The following MTPN variants were observed in gnomAD, a reference collection of about 807,000 sequenced individuals.
MTPN encodes the protein granule cell differentiation protein.
In MTPN, 2 loss-of-function variants were observed where a neutral mutation model predicts 13.5. The ratio of observed to expected loss-of-function variants is 0.15; its 90% CI spans 0.06 to 0.47. MTPN has a LOEUF of 0.47. Among genes scored for constraint, MTPN ranks in the 20% least tolerant of loss-of-function variants. The pLI is 0.97. For missense variants in MTPN, 79 were observed against 137.9 expected, an observed-to-expected ratio of 0.57 and a Z score of 2.14; for synonymous variants, 46 against 51.7, an observed-to-expected ratio of 0.89 and a Z score of 0.48.
intron 1 of MTPN, among the ~76,000 whole-genome samples, chr7:135,961,848 T>C (rs1208174351): frequency 1.3e-5 from 2 of 151,990 alleles, no homozygotes; most frequent in African/African-American, 4.8e-5. Flanking sequence ...TCTTGGTACA[T>C]GATAAAGTGA....
At chr7:135,941,075 T>C (rs1450392150) in intron 3 of MTPN, among the ~76,000 whole-genome samples, 2 of 152,202 alleles carry the variant, frequency 1.3e-5, no homozygotes, top group Non-Finnish European at 2.9e-5. Context: ...TACCTGGCCC[T>C]TAACAGAAAA....
In MTPN at chr7:135,927,905, C is replaced by A; in HGVS notation, c.*2021G>T. ...TAGGACAATGCACTCTCTGCAATAGCCAACTACAACAAAACACTTTGAAAG... is the reference window on the plus strand; with the variant it reads ...TAGGACAATGCACTCTCTGCAATAGACAACTACAACAAAACACTTTGAAAG... On this transcript the variant is annotated 3_prime_UTR_variant, in exon 4 of 4. Coordinates refer to ENST00000393085, the MANE Select transcript of MTPN (RefSeq NM_145808.4). 5 of 296,104 alleles carry A rather than the reference C, an allele frequency of 1.7e-5. No homozygotes were observed. Among genetic ancestry groups the A allele is most frequent in the Non-Finnish European group, 3.5e-5 (5 of 143,116 alleles). The allele number at this position is 296,104 out of a possible 1,614,324, so 18.3% of individuals were successfully genotyped here.
chr7:135,929,788 T>C lies in MTPN; in HGVS notation c.*138A>G. 1 of 835,478 alleles carries C rather than the reference T, an allele frequency of 1.2e-6. No individual in the cohort carries two copies. 51.8% of individuals were successfully genotyped at this position (835,478 alleles called of 1,614,324 possible). On this transcript the variant is annotated 3_prime_UTR_variant, in exon 4 of 4. Coordinates refer to ENST00000393085, the MANE Select transcript of MTPN (RefSeq NM_145808.4). ...TTTTTTTTTCTGGTAGTCGGATTTGTTATGAATTTCTCTCTCCCCTCACCC... is the reference window on the plus strand; with the variant it reads ...TTTTTTTTTCTGGTAGTCGGATTTGCTATGAATTTCTCTCTCCCCTCACCC...
chr7:135,976,927 T>TCCCCCCCCCCCCCCCCCCCCCCC, intron 1 of MTPN, 102 bp downstream of exon 1: 3 of 410,734 alleles, frequency 7.3e-6, no homozygotes, highest in South Asian at 1.8e-5. Context: ...AAGTCTCTCC[T>TCCCCCCCCCCCCCCCCCCCCCCC]CCCGCCCACC....
chr7:135,953,994 A>C (rs2116380593), intron 1 of MTPN, among the ~76,000 whole-genome samples: 1 of 152,324 alleles, frequency 6.6e-6, no homozygotes, highest in South Asian at 2.1e-4. Context: ...TATAATGTCT[A>C]TATAAGGATG....
intron 1 of MTPN, among the ~76,000 whole-genome samples, chr7:135,955,802 C>T (rs1305887948): frequency 6.6e-6 from 1 of 150,428 alleles, no homozygotes; most frequent in Non-Finnish European, 1.5e-5. Flanking sequence ...ACCATTTTAA[C>T]ACAGAGAAAG....
At chr7:135,942,827 G>A (rs1799235416) in intron 3 of MTPN, among the ~76,000 whole-genome samples, 1 of 152,168 alleles carries the variant, frequency 6.6e-6, no homozygotes, top group African/African-American at 2.4e-5. Flanking sequence ...TGTGTGTGTA[G>A]GTGTGTGGCA....
At chr7:135,966,817 G>C (rs973186900) in intron 1 of MTPN, among the ~76,000 whole-genome samples, 10 of 152,162 alleles carry the variant, frequency 6.6e-5, no homozygotes, top group African/African-American at 1.9e-4. Flanking sequence ...TTTTGTTGCG[G>C]TGAGCACCAG....
At position 135,927,749 on chromosome 7, in the gene MTPN, A is replaced by G. The variant is rs1183599634; in HGVS notation, c.*2177T>C. The G allele has an allele frequency of 2.1e-6, 1 of 478,298 alleles. No homozygotes were observed. The highest frequency in any genetic ancestry group is 2.0e-5 in the African/African-American group (1 of 50,338). The allele number at this position is 478,298 out of a possible 1,614,324, so 29.6% of individuals were successfully genotyped here. On this transcript the variant is annotated 3_prime_UTR_variant, in exon 4 of 4. Coordinates refer to ENST00000393085, the MANE Select transcript of MTPN (RefSeq NM_145808.4). ...TCGCTTCATAATTATAGGGTTTACAAAAAGGTCGAGAAAGAAAAGCGAAGG... is the reference window on the plus strand; with the variant it reads ...TCGCTTCATAATTATAGGGTTTACAGAAAGGTCGAGAAAGAAAAGCGAAGG...
chr7:135,938,980 T>C (rs142260730), intron 3 of MTPN, among the ~76,000 whole-genome samples: 183 of 152,316 alleles, frequency 1.2e-3, no homozygotes, highest in Middle Eastern at 3.4e-3. Context: ...TAAAGGCTTT[T>C]TTTCCCCCCA....
At chr7:135,966,792 T>C (rs1408915437) in intron 1 of MTPN, among the ~76,000 whole-genome samples, 2 of 152,188 alleles carry the variant, frequency 1.3e-5, no homozygotes, top group Non-Finnish European at 2.9e-5. Context: ...AAGCAATTTA[T>C]TTGCCCTTTT....
At chr7:135,940,359 T>A (rs1219782245) in intron 3 of MTPN, among the ~76,000 whole-genome samples, 1 of 152,220 alleles carries the variant, frequency 6.6e-6, no homozygotes, top group Non-Finnish European at 1.5e-5. Flanking sequence ...ATAGCACATT[T>A]AATTTCATAT....
chr7:135,950,311 T>C (rs974344049), intron 3 of MTPN, among the ~76,000 whole-genome samples: 1 of 152,232 alleles, frequency 6.6e-6, no homozygotes, highest in Non-Finnish European at 1.5e-5. Flanking sequence ...GACATTCTTC[T>C]ATATCATCAA....
intron 3 of MTPN, among the ~76,000 whole-genome samples, chr7:135,943,663 G>A (rs983134845): frequency 5.9e-5 from 9 of 152,148 alleles, no homozygotes; most frequent in Admixed American, 5.9e-4. Flanking sequence ...TTACAGAGTG[G>A]TCTGAAACAG....
chr7:135,959,636 A>C (rs1287326698), intron 1 of MTPN, among the ~76,000 whole-genome samples: 1 of 152,160 alleles, frequency 6.6e-6, no homozygotes, highest in East Asian at 1.9e-4. Context: ...TTAAATATTA[A>C]ATAGAACATG....
At chr7:135,942,211 G>A (rs1005861387) in intron 3 of MTPN, among the ~76,000 whole-genome samples, 3 of 151,850 alleles carry the variant, frequency 2.0e-5, no homozygotes, top group African/African-American at 7.3e-5. Context: ...CTTAAAAGGT[G>A]GTACATCCTA....
intron 1 of MTPN, among the ~76,000 whole-genome samples, chr7:135,964,767 G>C (rs1435459428): frequency 6.6e-6 from 1 of 151,782 alleles, no homozygotes; most frequent in Non-Finnish European, 1.5e-5. Context: ...GAATCATAAA[G>C]GTTTCTGAAT....
Position 135,973,910 on chromosome 7 carries a change from T to G in MTPN, c.72+3119A>C, listed in dbSNP as rs889726151. On this transcript the variant is annotated intron_variant, in intron 1 of 3. Transcript: ENST00000393085. Reference sequence around the variant, plus strand: ...AGATGCCTAGTAAAAATGAATGAATTAACTAAATGTGGTCCTTAAGTCAGT... The same window carrying G: ...AGATGCCTAGTAAAAATGAATGAATGAACTAAATGTGGTCCTTAAGTCAGT... Among the ~76,000 whole-genome samples, 4 of 152,292 alleles carry G rather than the reference T, an allele frequency of 2.6e-5. No individual in the cohort carries two copies. In the East Asian group the frequency reaches 5.8e-4, roughly 22 times the overall value.
chr7:135,955,182 T>C (rs1049753033), intron 1 of MTPN, among the ~76,000 whole-genome samples: 3 of 152,146 alleles, frequency 2.0e-5, no homozygotes, highest in Non-Finnish European at 2.9e-5. Flanking sequence ...TAGCACTAAA[T>C]GCCTGTACTG....
Sources: gnomAD v4.1 joint callset for allele counts (sites outside exome capture counted in the v4.1 genomes callset) on GRCh38, gnomAD v4.1.1 for gene constraint, MANE v1.5 for transcripts, NCBI Gene and HGNC (gene_info 2026-07-23, HGNC 2026-07-21) for gene names.